The following PIK3R6 variants were observed in gnomAD, a reference collection of about 807,000 sequenced individuals.
The protein encoded by PIK3R6 is phosphoinositide-3-kinase regulatory subunit 6.
A neutral mutation model predicts 84.9 loss-of-function variants in PIK3R6; 91 were observed. The ratio of observed to expected loss-of-function variants is 1.07; its 90% CI spans 0.90 to 1.28. The LOEUF (loss-of-function observed/expected upper bound fraction) is 1.28. Ranked by LOEUF, PIK3R6 falls within the 50% of genes most tolerant of loss-of-function variation. The probability of loss-of-function intolerance (pLI) is 0.00; values close to 1 mark genes in which losing one functional copy is unlikely to be tolerated. For missense variants in PIK3R6, 996 were observed against 985.1 expected, an observed-to-expected ratio of 1.01 and a Z score of -0.15; for synonymous variants, 416 against 411.4, an observed-to-expected ratio of 1.01 and a Z score of -0.13.
chr17:8,803,375 T>C lies in PIK3R6; in HGVS notation c.2163A>G (p.Ala721=). 1.9e-6 allele frequency: 3 copies of C among 1,613,614 alleles called. No homozygotes were observed. The highest frequency in any genetic ancestry group is 2.5e-6 in the Non-Finnish European group (3 of 1,179,742). Reference sequence around the variant, plus strand: ...GTTGCCCATGCAAATTGAGCCACGGTGCCTTGGACTTCTGGGCCCCAGAAC... The same window carrying C: ...GTTGCCCATGCAAATTGAGCCACGGCGCCTTGGACTTCTGGGCCCCAGAAC... ...EPCSGAQKSK[A]PWLNLHGQQE... is the part of the protein sequence containing the mutation. The change falls in exon 20 of 20, where the codon GCA becomes GCG. Residue 721 remains alanine (A), a synonymous_variant. Coordinates refer to ENST00000619866, the MANE Select transcript of PIK3R6 (RefSeq NM_001010855.4). This position sits in a 1 kb window ranked among gnomAD's most constrained non-coding sequence, Gnocchi z 5.0.
rs533327748 is a variant in PIK3R6 at position 8,829,653 on chromosome 17, CACACAG to C, written c.889+47_889+52del. 809 of 1,506,034 alleles carry C rather than the reference CACACAG, an allele frequency of 5.4e-4. 3 individuals are homozygous for C. In the African/African-American group the frequency reaches 9.2e-3, roughly 17 times the overall value. The allele number at this position is 1,506,034 out of a possible 1,614,324, so 93.3% of individuals were successfully genotyped here. On this transcript the variant is annotated intron_variant, in intron 10 of 19. Coordinates refer to ENST00000619866, the MANE Select transcript of PIK3R6 (RefSeq NM_001010855.4). Reference sequence around the variant, plus strand: ...TGACACACACTCATGCACGCATACACACACAGACACAGACATATACCACTGTTTCCA... The same window carrying C: ...TGACACACACTCATGCACGCATACACACACAGACATATACCACTGTTTCCA...
At chr17:8,824,067 C>T (rs1029210915) in intron 13 of PIK3R6, among the ~76,000 whole-genome samples, 3 of 152,116 alleles carry the variant, frequency 2.0e-5, no homozygotes, top group Admixed American at 6.5e-5. Context: ...GTCAGGAGTT[C>T]GAGACCAGCC....
intron 8 of PIK3R6, among the ~76,000 whole-genome samples, chr17:8,834,156 CAAAAAAAA>C (rs71135927): frequency 1.5e-4 from 7 of 46,462 alleles, no homozygotes; most frequent in Admixed American, 1.2e-3. Context: ...GACTTCGTCT[CAAAAAAAA>C]AAAAAAAAAA....
chr17:8,829,068 A>C (rs1597399579), intron 10 of PIK3R6, 78 bp from the exon 11 acceptor site: 2 of 1,328,624 alleles, frequency 1.5e-6, no homozygotes, highest in East Asian at 5.1e-5. Context: ...AGTCCTCTTC[A>C]GAGGATACAC....
chr17:8,807,076 G>A (rs2087227101), intron 18 of PIK3R6, among the ~76,000 whole-genome samples: 1 of 152,214 alleles, frequency 6.6e-6, no homozygotes, highest in African/African-American at 2.4e-5. Context: ...CCACTTTAAG[G>A]AACTTTGAAA....
intron 4 of PIK3R6, 30 bp downstream of exon 4, chr17:8,838,534 C>A (rs557600051): frequency 6.4e-7 from 1 of 1,563,480 alleles, no homozygotes. Flanking sequence ...CTTTCATCCC[C>A]GTCTTCCTCC....
At chr17:8,843,017 C>T (rs1388066373) in intron 2 of PIK3R6, among the ~76,000 whole-genome samples, 2 of 152,180 alleles carry the variant, frequency 1.3e-5, no homozygotes, top group African/African-American at 4.8e-5. Flanking sequence ...CCCTGAAGCC[C>T]CCACTTGGCA....
chr17:8,843,209 A>T (rs1034738500), intron 2 of PIK3R6, among the ~76,000 whole-genome samples: 4 of 152,230 alleles, frequency 2.6e-5, no homozygotes, highest in South Asian at 2.1e-4. Context: ...TTGCATGAAG[A>T]TTTAATGAGT....
Position 8,809,369 on chromosome 17 carries a change from G to C in PIK3R6, c.1996-5216C>G, listed in dbSNP as rs140628136. On this transcript the variant is annotated intron_variant, in intron 18 of 19. Coordinates refer to ENST00000619866, the MANE Select transcript of PIK3R6 (RefSeq NM_001010855.4). The stretch of plus-strand genomic sequence containing the variant: ...AACACAAGAAAGTATAAAACATGTA[G>C]GTCTTATAAAACAATTACACAAGAC... Among the ~76,000 whole-genome samples the C allele has an allele frequency of 8.3e-3, 1,260 of 152,178 alleles. 10 individuals carry two copies. The highest frequency in any genetic ancestry group is 0.024 in the Middle Eastern group (7 of 294).
At chr17:8,814,576 A>G (rs1255750988) in intron 18 of PIK3R6, among the ~76,000 whole-genome samples, 1 of 152,128 alleles carries the variant, frequency 6.6e-6, no homozygotes, top group Non-Finnish European at 1.5e-5. Context: ...GTCCTTAAAT[A>G]GCCTAAATTT....
At chr17:8,833,739 A>G (rs919404346) in intron 8 of PIK3R6, among the ~76,000 whole-genome samples, 3 of 151,612 alleles carry the variant, frequency 2.0e-5, no homozygotes, top group Non-Finnish European at 4.4e-5. Context: ...ACGGGGTTTC[A>G]CCATGTTGGC....
At chr17:8,821,079 A>G (rs1007108640) in intron 17 of PIK3R6, among the ~76,000 whole-genome samples, 1 of 152,250 alleles carries the variant, frequency 6.6e-6, no homozygotes, top group Admixed American at 6.5e-5. Flanking sequence ...TGAACAAGAT[A>G]TAATTCTGCC....
Position 8,821,891 on chromosome 17 carries a change from C to A in PIK3R6, c.1834G>T (p.Ala612Ser). 6.3e-7 allele frequency: 1 copy of A among 1,596,910 alleles called. No homozygotes were observed. Among genetic ancestry groups the A allele is most frequent in the East Asian group, 2.3e-5 (1 of 44,192 alleles). The change falls in exon 17 of 20, where the codon GCC becomes TCC. Residue 612 changes from alanine to serine, a missense_variant. Transcript: ENST00000619866. ...RPREVTVSLR[A>S]TGLILKAIPA... is the part of the protein sequence containing the mutation. ...ATGGCCTTCAGGATCAGCCCAGTGGCCCGCAGGGAAACGGTGACCTCTCGG... is the reference window on the plus strand; with the variant it reads ...ATGGCCTTCAGGATCAGCCCAGTGGACCGCAGGGAAACGGTGACCTCTCGG...
Position 8,803,614 on chromosome 17 carries a change from G to A in PIK3R6, c.2109-185C>T. 6.6e-6 allele frequency: 4 copies of A among 610,330 alleles called. No individual in the cohort carries two copies. The highest frequency in any genetic ancestry group is 8.3e-6 in the Non-Finnish European group (3 of 360,968). 37.8% of individuals were successfully genotyped at this position (610,330 alleles called of 1,614,324 possible). A position where few individuals can be genotyped will look rare whatever the true frequency, so the allele number is the denominator to read the frequency against. On this transcript the variant is annotated intron_variant, in intron 19 of 19. Coordinates refer to ENST00000619866, the MANE Select transcript of PIK3R6 (RefSeq NM_001010855.4). This position sits in a 1 kb window ranked among gnomAD's most constrained non-coding sequence, Gnocchi z 5.0. Reference sequence around the variant, plus strand: ...GAAAAACCTGGGCCTGGGGTTCACCGGGAGAGGAGACACTTGGAGCAAGTA... The same window carrying A: ...GAAAAACCTGGGCCTGGGGTTCACCAGGAGAGGAGACACTTGGAGCAAGTA...
Position 8,836,527 on chromosome 17 carries a change from A to G in PIK3R6, c.461+20T>C, listed in dbSNP as rs368376068. 9.9e-6 allele frequency: 16 copies of G among 1,613,494 alleles called. No homozygotes were observed. The South Asian group carries it at 1.4e-4, about 14-fold the overall frequency. On this transcript the variant is annotated intron_variant, in intron 7 of 19. Transcript: ENST00000619866. The stretch of plus-strand genomic sequence containing the variant: ...CAGTTTTAGGAGGCTGAAGGTAGCA[A>G]TTTTTCTGGGGCCACTCACCTCTCC...
Position 8,823,507 on chromosome 17 carries a change from A to G in PIK3R6, c.1516-10T>C. 1 of 1,578,838 alleles carries G rather than the reference A, an allele frequency of 6.3e-7. No individual in the cohort carries two copies. The highest frequency in any genetic ancestry group is 1.1e-5 in the South Asian group (1 of 89,622). ...TGTCCAGGGAAGGAGGCTGTGATGGAGACAGGGAATGTCTTCACCAACTCC... is the reference window on the plus strand; with the variant it reads ...TGTCCAGGGAAGGAGGCTGTGATGGGGACAGGGAATGTCTTCACCAACTCC... On this transcript the variant is annotated splice_polypyrimidine_tract_variant and intron_variant, in intron 13 of 19. Transcript: ENST00000619866.
Position 8,819,132 on chromosome 17 carries a change from T to A in PIK3R6, c.1946A>T (p.Asn649Ile), listed in dbSNP as rs181404404. 1.9e-6 allele frequency: 3 copies of A among 1,610,302 alleles called. No homozygotes were observed. Among genetic ancestry groups the A allele is most frequent in the Non-Finnish European group, 2.5e-6 (3 of 1,178,502 alleles). ...GGAGGACTTGACAACCTCTGTCACG[T>A]TGACATTCAGACATGTGTGGTCTGT... The part of the protein sequence containing the change: ...PVTDHTCLNV[N>I]VTEVVKSSNL... Residue 649 changes from asparagine to isoleucine, a missense_variant, in exon 18 of 20, where the codon AAC (asparagine) becomes ATC (isoleucine). By Grantham distance (149) the Asn-to-Ile change is moderately radical (BLOSUM62 -3). Coordinates refer to ENST00000619866, the MANE Select transcript of PIK3R6 (RefSeq NM_001010855.4).
intron 1 of PIK3R6, among the ~76,000 whole-genome samples, chr17:8,859,841 G>C (rs2089229785): frequency 6.6e-6 from 1 of 152,092 alleles, no homozygotes; most frequent in South Asian, 2.1e-4. Context: ...TACAGACCAC[G>C]GATTACAGAC....
rs1470599380 is a variant in PIK3R6, at chr17:8,862,706, C to A, written c.-92+4823G>T. Among the ~76,000 whole-genome samples, 3 of 152,028 alleles carry A rather than the reference C, an allele frequency of 2.0e-5. No homozygotes were observed. Among genetic ancestry groups the A allele is most frequent in the African/African-American group, 7.2e-5 (3 of 41,384 alleles). The stretch of plus-strand genomic sequence containing the variant: ...CATGTTTTAGATGAGCATGTCAGGG[C>A]TCATCTAAAAATTCCTCTCCCTCCC... On this transcript the variant is annotated intron_variant, in intron 1 of 19. Transcript: ENST00000619866. The surrounding 1 kb of genome is among the most constrained non-coding windows in gnomAD (Gnocchi z 4.3).
Sources: gnomAD v4.1 joint callset for allele counts (sites outside exome capture counted in the v4.1 genomes callset) on GRCh38, gnomAD v4.1.1 for gene constraint, Gnocchi (gnomAD v3.1) non-coding constraint, MANE v1.5 for transcripts, NCBI Gene and HGNC (gene_info 2026-07-23, HGNC 2026-07-21) for gene names.